Variants in RAD23B observed in about 807,000 individuals in gnomAD.
RAD23B encodes the protein RAD23 nucleotide excision repair protein B, also known as lysine-specific demethylase RAD23B.
RAD23B carries 5 observed loss-of-function variants against 49.1 expected under a neutral mutation model. The ratio of observed to expected loss-of-function variants is 0.10; its 90% CI spans 0.05 to 0.21. The LOEUF (loss-of-function observed/expected upper bound fraction) is 0.21, where lower values mean the gene tolerates loss of function less well. RAD23B is among the 10% of genes least tolerant of loss of function. The probability of loss-of-function intolerance (pLI) is 1.00; values close to 1 mark genes in which losing one functional copy is unlikely to be tolerated. For missense variants in RAD23B, 356 were observed against 486.7 expected (o/e 0.73, Z 2.53); for synonymous variants, 184 against 165.4 (o/e 1.11, Z -0.86).
chr9:107,294,948 T>G (rs1163937775), intron 1 of RAD23B, among the ~76,000 whole-genome samples: 2 of 151,686 alleles, frequency 1.3e-5, no homozygotes, highest in Non-Finnish European at 2.9e-5. Context: ...TGGCAGTATG[T>G]AAAGGAGGGA....
At chr9:107,291,452 C>G (rs1378476030) in intron 1 of RAD23B, among the ~76,000 whole-genome samples, 1 of 152,070 alleles carries the variant, frequency 6.6e-6, no homozygotes, top group Non-Finnish European at 1.5e-5. Context: ...GGATCATAAC[C>G]CCAGTTTGAG....
At chr9:107,300,251 C>T (rs753141518) in intron 2 of RAD23B, 29 bp downstream of exon 2, 1 of 1,579,080 alleles carries the variant, frequency 6.3e-7, no homozygotes, top group Admixed American at 1.9e-5. Flanking sequence ...AATTAACATG[C>T]CATGTCTTGA....
rs537686446 is a variant in RAD23B at position 107,304,696 on chromosome 9, T to C, written c.229-1683T>C. Among the ~76,000 whole-genome samples, 3 of 152,312 alleles carry C rather than the reference T, an allele frequency of 2.0e-5. No homozygotes were observed. In the South Asian group the frequency reaches 6.2e-4, roughly 32 times the overall value. On this transcript the variant is annotated intron_variant, in intron 3 of 9. Transcript: ENST00000358015. ...CTTCCACTAAAACAGCTACCTTTTG[T>C]CCTTGGGAAAGTTATGAACTAAACA... is the stretch of plus-strand genomic sequence containing the variant.
At chr9:107,289,132 C>A (rs144728496) in intron 1 of RAD23B, among the ~76,000 whole-genome samples, 1 of 133,844 alleles carries the variant, frequency 7.5e-6, no homozygotes, top group Non-Finnish European at 1.6e-5. Context: ...CCTTCCCTCT[C>A]CTTTCCTCTC....
At chr9:107,289,729 C>T (rs1309148748) in intron 1 of RAD23B, among the ~76,000 whole-genome samples, 2 of 152,094 alleles carry the variant, frequency 1.3e-5, no homozygotes, top group African/African-American at 4.8e-5. Context: ...GCCTTTTGGT[C>T]CTCTGCTGTA....
chr9:107,316,903 A>T (rs969078427), intron 5 of RAD23B, among the ~76,000 whole-genome samples: 4 of 152,136 alleles, frequency 2.6e-5, no homozygotes, highest in Non-Finnish European at 4.4e-5. Context: ...TGACTAGGCA[A>T]TGCCTTTTAA....
intron 4 of RAD23B, among the ~76,000 whole-genome samples, chr9:107,307,931 T>G (rs1826811618): frequency 6.6e-6 from 1 of 152,216 alleles, no homozygotes; most frequent in Admixed American, 6.5e-5. Context: ...TTCAACCATC[T>G]TATCCTAGTG....
At chr9:107,324,096 C>T in intron 8 of RAD23B, 79 bp downstream of exon 8, 2 of 1,421,704 alleles carry the variant, frequency 1.4e-6, no homozygotes, top group South Asian at 2.4e-5. Flanking sequence ...TCCTTCCCCT[C>T]CTCAAATACA....
chr9:107,283,791 C>A lies in RAD23B; in HGVS notation c.66+96C>A, dbSNP rs569433972. 3.5e-6 allele frequency: 4 copies of A among 1,156,334 alleles called. No individual in the cohort carries two copies. In the South Asian group the frequency reaches 9.0e-5, roughly 26 times the overall value. The allele number at this position is 1,156,334 out of a possible 1,614,324, so 71.6% of individuals were successfully genotyped here. A position where few individuals can be genotyped will look rare whatever the true frequency, so the allele number is the denominator to read the frequency against. ...GGGCGGCGCGCTCCAGCGGGGGAAG[C>A]CCCGGAGGGCGCGATGAGGGCCCTG... On this transcript the variant is annotated intron_variant, in intron 1 of 9. Transcript: ENST00000358015.
In RAD23B at chr9:107,330,648, A is replaced by G. The variant is rs975415669; in HGVS notation, c.*992A>G. ...GTTCAAAATTAATGCAAATGTTTCA[A>G]AACTGGGTTTCTGATATTTGTAAAT... On this transcript the variant is annotated 3_prime_UTR_variant, in exon 10 of 10. Coordinates refer to ENST00000358015, the MANE Select transcript of RAD23B (RefSeq NM_002874.5). This position sits in a 1 kb window ranked among gnomAD's most constrained non-coding sequence, Gnocchi z 4.4. 1 of 152,658 alleles carries G rather than the reference A, an allele frequency of 6.6e-6. No homozygotes were observed. Among genetic ancestry groups the G allele is most frequent in the African/African-American group, 2.4e-5 (1 of 41,456 alleles). 9.5% of individuals were successfully genotyped at this position (152,658 alleles called of 1,614,324 possible).
At chr9:107,316,071 G>A (rs922479576) in intron 5 of RAD23B, among the ~76,000 whole-genome samples, 10 of 151,154 alleles carry the variant, frequency 6.6e-5, no homozygotes, top group Admixed American at 6.6e-4. Flanking sequence ...GTGCAGTGGC[G>A]TGATCTTGGC....
chr9:107,306,601 A>G lies in RAD23B; in HGVS notation c.451A>G (p.Lys151Glu), dbSNP rs760163367. The G allele has an allele frequency of 5.6e-6, 9 of 1,614,074 alleles. No homozygotes were observed. Among genetic ancestry groups the G allele is most frequent in the African/African-American group, 1.3e-5 (1 of 74,928 alleles). Residue 151 changes from lysine (K) to glutamate (E), a missense_variant, in exon 4 of 10, where the codon AAG becomes GAG. Lys to Glu is a moderately conservative substitution (Grantham distance 56). Coordinates refer to ENST00000358015, the MANE Select transcript of RAD23B (RefSeq NM_002874.5). The part of the protein sequence containing the change: ...SAAKQEKPAE[K>E]PAETPVATSP... ...AGCTAAACAAGAGAAGCCTGCAGAA[A>G]AGCCAGCAGAGACACCAGTGGCTAC...
intron 6 of RAD23B, among the ~76,000 whole-genome samples, chr9:107,321,360 C>T (rs1827108057): frequency 6.6e-6 from 1 of 152,150 alleles, no homozygotes; most frequent in South Asian, 2.1e-4. Flanking sequence ...GAGATACTTT[C>T]TGAGTGACAC....
At chr9:107,312,132 A>G (rs1245939883) in intron 5 of RAD23B, among the ~76,000 whole-genome samples, 3 of 152,242 alleles carry the variant, frequency 2.0e-5, no homozygotes, top group Non-Finnish European at 2.9e-5. Context: ...TGATGGCACT[A>G]TACATTCCCA....
At chr9:107,303,053 A>G (rs763626481) in intron 3 of RAD23B, among the ~76,000 whole-genome samples, 3 of 152,192 alleles carry the variant, frequency 2.0e-5, no homozygotes, top group Non-Finnish European at 4.4e-5. Flanking sequence ...GAGAATGAAC[A>G]TGGATTTTTT....
At chr9:107,317,725 A>G (rs546541639) in intron 5 of RAD23B, among the ~76,000 whole-genome samples, 1 of 151,766 alleles carries the variant, frequency 6.6e-6, no homozygotes, top group African/African-American at 2.4e-5. Flanking sequence ...ACACAAGCAG[A>G]AGAAAGGATA....
rs563257133 is a variant in RAD23B, at chr9:107,297,458, A to G, written c.67-2683A>G. 2.3e-4 allele frequency among the ~76,000 whole-genome samples: 35 copies of G among 152,134 alleles called. No homozygotes were observed. In the South Asian group the frequency reaches 7.0e-3, roughly 31 times the overall value. On this transcript the variant is annotated intron_variant, in intron 1 of 9. Transcript: ENST00000358015. ...GGGATTCAAGCAGTTCTCCTGCCTC[A>G]GCCTCCGAAGTAGCTGGGATTACAG... is the stretch of plus-strand genomic sequence containing the variant.
chr9:107,306,459 C>T lies in RAD23B; in HGVS notation c.309C>T (p.Thr103=). 4.3e-6 allele frequency: 7 copies of T among 1,614,172 alleles called. No homozygotes were observed. Among genetic ancestry groups the T allele is most frequent in the Middle Eastern group, 1.6e-4 (1 of 6,062 alleles). Residue 103 remains threonine (T), a synonymous_variant, in exon 4 of 10, where the codon ACC becomes ACT. Transcript: ENST00000358015. The stretch of plus-strand genomic sequence containing the variant: ...GCACTACAGCAGTTACTTCCTCCAC[C>T]ACCACAACTGTGGCTCAGGCTCCAA... ...PASTTAVTSS[T]TTTVAQAPTP...
At chr9:107,303,364 C>T (rs894218603) in intron 3 of RAD23B, among the ~76,000 whole-genome samples, 1 of 152,160 alleles carries the variant, frequency 6.6e-6, no homozygotes, top group Non-Finnish European at 1.5e-5. Flanking sequence ...GTACTGGGAG[C>T]AAGCAGCTAA....
Sources: allele counts gnomAD v4.1 joint callset (sites outside exome capture counted in the v4.1 genomes callset), GRCh38; gene constraint gnomAD v4.1.1; non-coding constraint Gnocchi (gnomAD v3.1); transcripts MANE v1.5; gene names NCBI Gene and HGNC (gene_info 2026-07-23, HGNC 2026-07-21).